Variants in TEDC1 observed in about 807,000 individuals in gnomAD.
The protein encoded by TEDC1 is tubulin epsilon and delta complex 1.
Under a neutral mutation model 59.9 loss-of-function variants are expected in TEDC1, and 54 were observed. The ratio of observed to expected loss-of-function variants is 0.90; its 90% CI spans 0.72 to 1.13. The LOEUF (loss-of-function observed/expected upper bound fraction) is 1.13, where lower values mean the gene tolerates loss of function less well. TEDC1 is among the 50% of genes most tolerant of loss of function. The probability of loss-of-function intolerance (pLI) is 0.00; values close to 1 mark genes in which losing one functional copy is unlikely to be tolerated. For missense variants in TEDC1, 734 were observed against 683.4 expected (o/e 1.07, Z -0.83); for synonymous variants, 353 against 298.1 (o/e 1.18, Z -1.90).
At chr14:105,497,535 A>AG (rs1315798907) in intron 7 of TEDC1, 92 bp downstream of exon 7, 5 of 1,447,086 alleles carry the variant, frequency 3.5e-6, no homozygotes, top group Non-Finnish European at 4.7e-6. Flanking sequence ...CCAGACAGGA[A>AG]GAGGGGCTTT....
intron 4 of TEDC1, 34 bp downstream of exon 4, chr14:105,492,768 G>A (rs1555439781): frequency 6.5e-7 from 1 of 1,532,864 alleles, no homozygotes; most frequent in Non-Finnish European, 8.7e-7. Flanking sequence ...CTCAGGGGCT[G>A]TGTCCCGTGC....
In TEDC1 at chr14:105,497,441, A is replaced by T; in HGVS notation, c.976A>T (p.Met326Leu). The T allele has an allele frequency of 6.5e-7, 1 of 1,546,596 alleles. No homozygotes were observed. Among genetic ancestry groups the T allele is most frequent in the Non-Finnish European group, 8.7e-7 (1 of 1,147,816 alleles). ...RRSELVFWRW[M>L]DTVLGTCAPE... is the part of the protein sequence containing the mutation. ...CTCTGAGCTGGTCTTCTGGCGGTGG[A>T]TGGTGAGGAAGCCCGCGCATCCCTC... The change falls in exon 7 of 9, where the codon ATG becomes TTG. Residue 326 changes from methionine (M) to leucine (L), a missense_variant and splice_region_variant. Met to Leu is a conservative substitution (Grantham distance 15, BLOSUM62 2). Coordinates refer to ENST00000392523, the MANE Select transcript of TEDC1 (RefSeq NM_001367178.1).
Position 105,496,099 on chromosome 14 carries a change from G to T in TEDC1, c.891+13G>T. 6.6e-7 allele frequency: 1 copy of T among 1,522,320 alleles called. No homozygotes were observed. The highest frequency in any genetic ancestry group is 8.8e-7 in the Non-Finnish European group (1 of 1,132,818). 94.3% of individuals were successfully genotyped at this position (1,522,320 alleles called of 1,614,324 possible). On this transcript the variant is annotated intron_variant, in intron 6 of 8. Transcript: ENST00000392523. ...CCCTTTTAGGGCGGTAAGTCGGGGA[G>T]GCTGGCAGGGAAGTGGAGACCGCAG... is the stretch of plus-strand genomic sequence containing the variant.
chr14:105,490,992 G>C, upstream of TEDC1: 1 of 1,536,556 alleles, frequency 6.5e-7, no homozygotes, highest in Non-Finnish European at 8.8e-7. Context: ...CCTGCCAGGA[G>C]CCCGGAAGTG....
At chr14:105,492,366 G>A in intron 3 of TEDC1, 57 bp downstream of exon 3, 1 of 1,584,644 alleles carries the variant, frequency 6.3e-7, no homozygotes, top group Non-Finnish European at 8.5e-7. Context: ...TGGGGCCAGA[G>A]CAAGGGCAGG....
At chr14:105,493,045 C>T (rs949946295) in intron 4 of TEDC1, among the ~76,000 whole-genome samples, 1 of 152,186 alleles carries the variant, frequency 6.6e-6, no homozygotes, top group African/African-American at 2.4e-5. Context: ...GGGATGGGGT[C>T]TGTGCCATGA....
chr14:105,497,592 C>T (rs957454215), intron 7 of TEDC1, 149 bp downstream of exon 7: 18 of 1,148,126 alleles, frequency 1.6e-5, no homozygotes, highest in Admixed American at 1.1e-4. Flanking sequence ...GACTTCCACT[C>T]GCCTTCTGGG....
At chr14:105,497,589 A>G (rs1385362701) in intron 7 of TEDC1, 146 bp downstream of exon 7, 1 of 1,155,268 alleles carries the variant, frequency 8.7e-7, no homozygotes, top group Non-Finnish European at 1.2e-6. Flanking sequence ...TAGGACTTCC[A>G]CTCGCCTTCT....
chr14:105,491,473 G>A lies in TEDC1; in HGVS notation c.98G>A (p.Gly33Glu). The change falls in exon 1 of 9, where the codon GGA (glycine) becomes GAA (glutamate). Residue 33 changes from glycine (G) to glutamate (E), a missense_variant. Physicochemically the swap from Gly to Glu is moderately conservative, Grantham distance 98. Transcript: ENST00000392523. Reference protein sequence around the residue: ...IAALSRSLPSGPSPEIFRRAK... With the variant: ...IAALSRSLPSEPSPEIFRRAK... The stretch of plus-strand genomic sequence containing the variant: ...GCGTTGAGTCGGTCGCTGCCCTCGG[G>A]ACCCAGCCCCGAGATCTTCCGCCGC... 6.8e-7 allele frequency: 1 copy of A among 1,479,254 alleles called. No individual in the cohort carries two copies. The highest frequency in any genetic ancestry group is 9.0e-7 in the Non-Finnish European group (1 of 1,116,380). 91.6% of individuals were successfully genotyped at this position (1,479,254 alleles called of 1,614,324 possible).
chr14:105,490,825 G>A (rs1043534251), upstream of TEDC1: 4 of 624,034 alleles, frequency 6.4e-6, no homozygotes, highest in African/African-American at 3.7e-5. Flanking sequence ...GGCCCCACAG[G>A]GCGCCTTCCG....
intron 6 of TEDC1, 187 bp downstream of exon 6, chr14:105,496,273 C>T: frequency 1.6e-6 from 1 of 634,520 alleles, no homozygotes; most frequent in Non-Finnish European, 2.7e-6. Context: ...TGGTGGAGGC[C>T]TTTGCTCTTC....
Position 105,498,983 on chromosome 14 carries a change from C to T in TEDC1, c.*37C>T. 1 of 1,546,552 alleles carries T rather than the reference C, an allele frequency of 6.5e-7. No individual in the cohort carries two copies. Reference sequence around the variant, plus strand: ...CGGGCCCTCGTGTGGGAAGCCTGCCCTGGCCCAGCCTGGCTGGGTCTTGGA... The same window carrying T: ...CGGGCCCTCGTGTGGGAAGCCTGCCTTGGCCCAGCCTGGCTGGGTCTTGGA... On this transcript the variant is annotated 3_prime_UTR_variant, in exon 9 of 9. Transcript: ENST00000392523.
upstream of TEDC1, chr14:105,490,498 TGCAGGCGGGCCCGGCTCAGCGGCGCCCGG>T (rs1271584221): frequency 1.3e-5 from 2 of 152,190 alleles, no homozygotes; most frequent in Non-Finnish European, 2.9e-5. Context: ...GGGCCGCCCG[TGCAGGCGGGCCCGGCTCAGCGGCGCCCGG>T]GCAGCAGCTG....
intron 4 of TEDC1, 27 bp downstream of exon 4, chr14:105,492,761 A>G: frequency 1.3e-6 from 2 of 1,536,406 alleles, no homozygotes; most frequent in South Asian, 1.2e-5. Context: ...GCTTCCACTC[A>G]GGGGCTGTGT....
At chr14:105,491,961 G>A in intron 2 of TEDC1, 146 bp from the exon 3 acceptor site, 3 of 948,150 alleles carry the variant, frequency 3.2e-6, no homozygotes, top group East Asian at 5.3e-5. Context: ...CCTCATCCTG[G>A]TCTGAGTTCT....
rs782735860 is a variant in TEDC1 at position 105,492,117 on chromosome 14, C to T, written c.237C>T (p.Ala79=). The T allele has an allele frequency of 1.8e-5, 29 of 1,606,716 alleles. No individual in the cohort carries two copies. The highest frequency in any genetic ancestry group is 9.4e-5 in the African/African-American group (7 of 74,776). ...GGTCTTCTGTCCTAGAGGTCCAAGC[C>T]CGCTTGGTGAAGTCAGCACTATGCT... ...ALASLALEVQ[A]RLVKSALCSQ... Residue 79 remains alanine, a synonymous_variant, in exon 3 of 9, where the codon GCC becomes GCT. Transcript: ENST00000392523.
intron 3 of TEDC1, 62 bp from the exon 4 acceptor site, chr14:105,492,517 C>T (rs782154365): frequency 5.8e-5 from 87 of 1,512,608 alleles, no homozygotes; most frequent in Non-Finnish European, 7.6e-5. Flanking sequence ...CCGTCTCCAT[C>T]CTGGCCTTTT....
upstream of TEDC1, chr14:105,490,747 G>A (rs1435507825): frequency 6.7e-6 from 3 of 449,232 alleles, no homozygotes; most frequent in Middle Eastern, 6.4e-4. Context: ...GGCTCTGGGC[G>A]CCTCCTGGCG....
intron 4 of TEDC1, among the ~76,000 whole-genome samples, chr14:105,493,193 A>G (rs994554161): frequency 6.6e-6 from 1 of 151,898 alleles, no homozygotes; most frequent in Non-Finnish European, 1.5e-5. Context: ...GGGCACAGGT[A>G]CCCAGTGGTG....
Sources: allele counts gnomAD v4.1 joint callset (sites outside exome capture counted in the v4.1 genomes callset), GRCh38; gene constraint gnomAD v4.1.1; transcripts MANE v1.5; gene names NCBI Gene and HGNC (gene_info 2026-07-23, HGNC 2026-07-21).